The following CLASP1 variants were observed in gnomAD, a reference collection of about 807,000 sequenced individuals.
CLASP1 encodes CLIP-associating protein 1.
A neutral mutation model predicts 192.3 loss-of-function variants in CLASP1; 38 were observed. The ratio of observed to expected loss-of-function variants is 0.20; its 90% CI spans 0.15 to 0.26. The LOEUF (loss-of-function observed/expected upper bound fraction) is 0.26. Ranked by LOEUF, CLASP1 falls within the 10% of genes least tolerant of loss-of-function variation. The pLI, the probability that CLASP1 is intolerant of heterozygous loss-of-function variation, is 1.00. For missense variants in CLASP1, 1,433 were observed against 1,932.5 expected (o/e 0.74, Z 4.85); for synonymous variants, 691 against 712.8 (o/e 0.97, Z 0.49).
At chr2:121,487,669 G>C (rs2093062474) in intron 8 of CLASP1, among the ~76,000 whole-genome samples, 1 of 152,102 alleles carries the variant, frequency 6.6e-6, no homozygotes, top group African/African-American at 2.4e-5. Context: ...ATGGGGCTTT[G>C]GGAGGAAGAC....
chr2:121,469,121 C>A (rs1170693536), intron 9 of CLASP1, among the ~76,000 whole-genome samples: 1 of 152,162 alleles, frequency 6.6e-6, no homozygotes, highest in Non-Finnish European at 1.5e-5. Flanking sequence ...TACAGATTGT[C>A]TTTGAGGTGT....
chr2:121,646,996 C>T (rs888265165), intron 1 of CLASP1, among the ~76,000 whole-genome samples: 2 of 147,252 alleles, frequency 1.4e-5, no homozygotes, highest in Admixed American at 6.9e-5. Flanking sequence ...GCCCAGATCG[C>T]GCCACTGCAT....
intron 39 of CLASP1, among the ~76,000 whole-genome samples, chr2:121,341,780 C>G (rs1201533814): frequency 6.6e-6 from 1 of 152,190 alleles, no homozygotes; most frequent in African/African-American, 2.4e-5. Context: ...CCAACTTGAT[C>G]TAACAGATGT....
chr2:121,540,236 A>G lies in CLASP1; in HGVS notation c.196-9911T>C, dbSNP rs190605710. Among the ~76,000 whole-genome samples, 42 of 152,342 alleles carry G rather than the reference A, an allele frequency of 2.8e-4. No individual in the cohort carries two copies. The East Asian group carries it at 7.9e-3, about 29-fold the overall frequency. ...TTGAAGTTGTGGGTTTCATACTAAG[A>G]GATGCAATAAACACTGAAAATAAAT... On this transcript the variant is annotated intron_variant, in intron 2 of 39. Transcript: ENST00000263710.
At chr2:121,363,119 A>T in intron 37 of CLASP1, 53 bp downstream of exon 38, 1 of 1,605,048 alleles carries the variant, frequency 6.2e-7, no homozygotes, top group Non-Finnish European at 8.5e-7. Flanking sequence ...CCATGTCCAA[A>T]CTGCTCCTCA....
At chr2:121,394,277 A>G (rs941119256) in intron 30 of CLASP1, among the ~76,000 whole-genome samples, 1 of 152,246 alleles carries the variant, frequency 6.6e-6, no homozygotes, top group African/African-American at 2.4e-5. Flanking sequence ...TGACCTCATC[A>G]GGCAAGCCCT....
intron 2 of CLASP1, among the ~76,000 whole-genome samples, chr2:121,545,722 C>T (rs1042409426): frequency 2.0e-5 from 3 of 152,044 alleles, no homozygotes; most frequent in Admixed American, 6.6e-5. Flanking sequence ...AATCTTTATT[C>T]CAATAATATC....
At chr2:121,603,536 A>G (rs2064049407) in intron 2 of CLASP1, among the ~76,000 whole-genome samples, 1 of 152,250 alleles carries the variant, frequency 6.6e-6, no homozygotes, top group African/African-American at 2.4e-5. Context: ...ATAAAAAACT[A>G]TAAATAGAAC....
At chr2:121,457,565 T>C (rs1374179081) in intron 14 of CLASP1, 122 bp downstream of exon 14, 1 of 696,984 alleles carries the variant, frequency 1.4e-6, no homozygotes, top group African/African-American at 1.8e-5. Flanking sequence ...AGTCATTTAC[T>C]GCAGTGATTT....
At chr2:121,425,988 T>C (rs920289609) in intron 21 of CLASP1, among the ~76,000 whole-genome samples, 1 of 151,644 alleles carries the variant, frequency 6.6e-6, no homozygotes, top group Non-Finnish European at 1.5e-5. Context: ...CTCCAAAAAT[T>C]GTAAAAATTT....
chr2:121,504,890 T>C (rs1016012626), intron 7 of CLASP1: 5 of 152,318 alleles, frequency 3.3e-5, no homozygotes, highest in Non-Finnish European at 5.9e-5. Flanking sequence ...AAACTCCAAT[T>C]GCCACCTCAG....
chr2:121,648,915 C>A (rs2073697041), intron 1 of CLASP1, among the ~76,000 whole-genome samples: 1 of 152,182 alleles, frequency 6.6e-6, no homozygotes. Flanking sequence ...CCCGGCACCC[C>A]TTCTCTCTGG....
At chr2:121,569,884 C>T (rs1405477627) in intron 2 of CLASP1, among the ~76,000 whole-genome samples, 1 of 152,092 alleles carries the variant, frequency 6.6e-6, no homozygotes, top group Non-Finnish European at 1.5e-5. Flanking sequence ...TGGAGGCTCA[C>T]CATGGCCAAC....
At chr2:121,584,484 T>C (rs1056476005) in intron 2 of CLASP1, among the ~76,000 whole-genome samples, 6 of 152,166 alleles carry the variant, frequency 3.9e-5, no homozygotes, top group African/African-American at 1.4e-4. Context: ...AACTTAGACA[T>C]GATCTAAGCC....
chr2:121,466,721 A>G (rs528024967), intron 9 of CLASP1, among the ~76,000 whole-genome samples: 1 of 152,346 alleles, frequency 6.6e-6, no homozygotes, highest in South Asian at 2.1e-4. Flanking sequence ...TATGGGAGAA[A>G]TCTCCTACAA....
At position 121,610,521 on chromosome 2, in the gene CLASP1, G is replaced by T. The variant is rs146123236; in HGVS notation, c.-285-4341C>A. Among the ~76,000 whole-genome samples the T allele has an allele frequency of 1.6e-3, 244 of 150,512 alleles. 3 individuals carry two copies. The East Asian group carries it at 0.031, about 19-fold the overall frequency. On this transcript the variant is annotated intron_variant, in intron 1 of 39. Transcript: ENST00000263710. ...AGGAGGAAGAGGAACTAGAGGAGGA[G>T]GAGGAGTTACAGGAGGAAGAGGAGC...
At chr2:121,543,076 T>C (rs2095265395) in intron 2 of CLASP1, among the ~76,000 whole-genome samples, 1 of 152,222 alleles carries the variant, frequency 6.6e-6, no homozygotes, top group Admixed American at 6.5e-5. Context: ...GGACTTTTCA[T>C]TTAACTTTGC....
intron 8 of CLASP1, among the ~76,000 whole-genome samples, chr2:121,471,973 C>A (rs1405977651): frequency 6.6e-6 from 1 of 152,174 alleles, no homozygotes; most frequent in Non-Finnish European, 1.5e-5. Context: ...CCAGCATTAG[C>A]AGTGACAAGG....
Position 121,547,242 on chromosome 2 carries a change from C to T in CLASP1, c.196-16917G>A, listed in dbSNP as rs541123541. Among the ~76,000 whole-genome samples, 12 of 152,310 alleles carry T rather than the reference C, an allele frequency of 7.9e-5. No homozygotes were observed. In the South Asian group the frequency reaches 2.3e-3, roughly 29 times the overall value. Reference sequence around the variant, plus strand: ...AACTCAGCAACTCCCTGGACAGAGACCACATGGCAACTGAAAGCCTCTCTG... The same window carrying T: ...AACTCAGCAACTCCCTGGACAGAGATCACATGGCAACTGAAAGCCTCTCTG... On this transcript the variant is annotated intron_variant, in intron 2 of 39. Coordinates refer to ENST00000263710, the Ensembl canonical transcript of CLASP1.
Sources: gnomAD v4.1 joint callset for allele counts (sites outside exome capture counted in the v4.1 genomes callset) on GRCh38, gnomAD v4.1.1 for gene constraint, MANE v1.5 for transcripts, NCBI Gene and HGNC (gene_info 2026-07-23, HGNC 2026-07-21) for gene names.